CACNG3: variants seen among roughly 807,000 people sequenced by gnomAD.
CACNG3 encodes voltage-dependent calcium channel gamma-3 subunit.
A neutral mutation model predicts 28.5 loss-of-function variants in CACNG3; 3 were observed. The ratio of observed to expected loss-of-function variants is 0.11; its 90% CI spans 0.05 to 0.27. The LOEUF (loss-of-function observed/expected upper bound fraction) is 0.27, where lower values mean the gene tolerates loss of function less well. CACNG3 is among the 10% of genes least tolerant of loss of function. CACNG3 has a pLI of 1.00. For synonymous variants in CACNG3, 174 were observed against 162.2 expected, an observed-to-expected ratio of 1.07 and a Z score of -0.55; for missense variants, 236 against 414.4, an observed-to-expected ratio of 0.57 and a Z score of 3.74.
intron 3 of CACNG3, among the ~76,000 whole-genome samples, chr16:24,355,695 G>T (rs1289852048): frequency 6.6e-6 from 1 of 152,160 alleles, no homozygotes; most frequent in Admixed American, 6.5e-5. Flanking sequence ...GCTACTTATT[G>T]TTCAAGCCTC....
chr16:24,267,027 C>T (rs1458979204), intron 1 of CACNG3, among the ~76,000 whole-genome samples: 1 of 147,500 alleles, frequency 6.8e-6, no homozygotes, highest in Non-Finnish European at 1.5e-5. Flanking sequence ...AGTGCGGTGG[C>T]ACGATCTCGG....
At position 24,340,802 on chromosome 16, in the gene CACNG3, C is replaced by T. The variant is rs76232183; in HGVS notation, c.212-5932C>T. Among the ~76,000 whole-genome samples, 230 of 152,308 alleles carry T rather than the reference C, an allele frequency of 1.5e-3. 1 individual carries two copies. Among genetic ancestry groups the T allele is most frequent in the African/African-American group, 5.3e-3 (219 of 41,572 alleles). On this transcript the variant is annotated intron_variant, in intron 1 of 3. Coordinates refer to ENST00000005284, the MANE Select transcript of CACNG3 (RefSeq NM_006539.4). The stretch of plus-strand genomic sequence containing the variant: ...TCCTGGGGTCTATGAATTCTCAGGG[C>T]CCGGCTCTCACACATGCCCTTCGCT...
At chr16:24,320,828 C>T (rs1258115899) in intron 1 of CACNG3, among the ~76,000 whole-genome samples, 1 of 152,120 alleles carries the variant, frequency 6.6e-6, no homozygotes, top group African/African-American at 2.4e-5. Context: ...CCTTTAGACA[C>T]AAGCAATCCT....
At chr16:24,352,211 C>T (rs1266861725) in intron 2 of CACNG3, among the ~76,000 whole-genome samples, 2 of 152,062 alleles carry the variant, frequency 1.3e-5, no homozygotes, top group Non-Finnish European at 2.9e-5. Context: ...GCTAAACAGG[C>T]AGAAAAACAC....
chr16:24,338,569 C>A (rs1460437382), intron 1 of CACNG3, among the ~76,000 whole-genome samples: 1 of 151,888 alleles, frequency 6.6e-6, no homozygotes, highest in Admixed American at 6.6e-5. Context: ...GGTCTCGAAC[C>A]CTTGACCTCA....
At chr16:24,284,916 T>C (rs1265076601) in intron 1 of CACNG3, among the ~76,000 whole-genome samples, 1 of 151,844 alleles carries the variant, frequency 6.6e-6, no homozygotes, top group East Asian at 1.9e-4. Flanking sequence ...AGGGGAAAGG[T>C]TGAAGGACAT....
chr16:24,352,244 G>T (rs1225754363), intron 2 of CACNG3, among the ~76,000 whole-genome samples: 1 of 152,082 alleles, frequency 6.6e-6, no homozygotes, highest in Admixed American at 6.6e-5. Context: ...GAGGTTAAAG[G>T]CTTGAACACT....
At chr16:24,317,316 C>T (rs114805066) in intron 1 of CACNG3, among the ~76,000 whole-genome samples, 40 of 151,958 alleles carry the variant, frequency 2.6e-4, no homozygotes, top group African/African-American at 8.4e-4. Context: ...CCAAAACGGG[C>T]GGATCACTTA....
chr16:24,354,714 A>G, intron 2 of CACNG3, 119 bp from the exon 3 acceptor site: 1 of 982,654 alleles, frequency 1.0e-6, no homozygotes, highest in African/African-American at 1.6e-5. Flanking sequence ...TGCCCGTGTT[A>G]GACATGGGCT....
intron 1 of CACNG3, among the ~76,000 whole-genome samples, chr16:24,298,483 T>C (rs1219742746): frequency 1.3e-5 from 2 of 152,224 alleles, no homozygotes; most frequent in South Asian, 2.1e-4. Flanking sequence ...CAGAAGATTA[T>C]AGTATATTTT....
chr16:24,279,101 G>A lies in CACNG3; in HGVS notation c.211+22136G>A, dbSNP rs554836855. 1.4e-4 allele frequency among the ~76,000 whole-genome samples: 22 copies of A among 152,286 alleles called. No homozygotes were observed. In the South Asian group the frequency reaches 4.3e-3, roughly 30 times the overall value. ...CTGAGTGGGGAGAATGGCAAGACTGGAGAAGTAGACAGGGGCCGTGTCATG... is the reference window on the plus strand; with the variant it reads ...CTGAGTGGGGAGAATGGCAAGACTGAAGAAGTAGACAGGGGCCGTGTCATG... On this transcript the variant is annotated intron_variant, in intron 1 of 3. Coordinates refer to ENST00000005284, the MANE Select transcript of CACNG3 (RefSeq NM_006539.4).
At chr16:24,320,727 C>CTTATT (rs1201690138) in intron 1 of CACNG3, among the ~76,000 whole-genome samples, 1 of 151,898 alleles carries the variant, frequency 6.6e-6, no homozygotes, top group Non-Finnish European at 1.5e-5. Context: ...ATACGTTTTT[C>CTTATT]TTATTTTATT....
intron 1 of CACNG3, among the ~76,000 whole-genome samples, chr16:24,265,799 T>C (rs1323626691): frequency 6.6e-6 from 1 of 152,264 alleles, no homozygotes; most frequent in African/African-American, 2.4e-5. Flanking sequence ...TTTTATTTCT[T>C]GTCATTTATA....
intron 3 of CACNG3, among the ~76,000 whole-genome samples, chr16:24,356,842 C>G (rs540476693): frequency 2.0e-5 from 3 of 152,266 alleles, no homozygotes; most frequent in African/African-American, 7.2e-5. Flanking sequence ...TTAATTGACT[C>G]ACAGTTCCAC....
intron 1 of CACNG3, among the ~76,000 whole-genome samples, chr16:24,324,988 G>A (rs1899521765): frequency 6.6e-6 from 1 of 152,124 alleles, no homozygotes; most frequent in South Asian, 2.1e-4. Context: ...TTTTAGCTCT[G>A]ATTGCTGTTG....
At chr16:24,302,075 G>A (rs13337712) in intron 1 of CACNG3, among the ~76,000 whole-genome samples, 35,741 of 152,082 alleles carry the variant, frequency 0.24, 4,577 homozygotes, top group Non-Finnish European at 0.27. Context: ...CTATCCCCAT[G>A]CTCAGAACCC....
chr16:24,307,661 C>T (rs896267701), intron 1 of CACNG3, among the ~76,000 whole-genome samples: 3 of 152,252 alleles, frequency 2.0e-5, no homozygotes, highest in Middle Eastern at 3.4e-3. Context: ...AAGTATGCTC[C>T]ACTGTAAACT....
intron 1 of CACNG3, among the ~76,000 whole-genome samples, chr16:24,262,681 T>C (rs1898551577): frequency 6.6e-6 from 1 of 152,248 alleles, no homozygotes; most frequent in Non-Finnish European, 1.5e-5. Flanking sequence ...TTACATATTT[T>C]AAATCTCATT....
intron 1 of CACNG3, among the ~76,000 whole-genome samples, chr16:24,299,029 G>A (rs548541053): frequency 1.3e-5 from 2 of 152,154 alleles, no homozygotes; most frequent in South Asian, 2.1e-4. Context: ...GCCAGGTCTC[G>A]CCCCTGTAGA....
Sources: allele counts gnomAD v4.1 joint callset (sites outside exome capture counted in the v4.1 genomes callset), GRCh38; gene constraint gnomAD v4.1.1; transcripts MANE v1.5; gene names NCBI Gene and HGNC (gene_info 2026-07-23, HGNC 2026-07-21).